DOCK8: variants seen among roughly 807,000 people sequenced by gnomAD.
The protein encoded by DOCK8 is dedicator of cytokinesis protein 8.
A neutral mutation model predicts 245.6 loss-of-function variants in DOCK8; 141 were observed. The ratio of observed to expected loss-of-function variants is 0.57; its 90% CI spans 0.50 to 0.66. DOCK8 has a LOEUF of 0.66. DOCK8 is among the 30% of genes least tolerant of loss of function. The pLI, the probability that DOCK8 is intolerant of heterozygous loss-of-function variation, is 0.00. For synonymous variants in DOCK8, 1,168 were observed against 970.2 expected (o/e 1.20, Z -3.79); for missense variants, 2,965 against 2,603.4 (o/e 1.14, Z -3.02).
intron 6 of DOCK8, among the ~76,000 whole-genome samples, chr9:316,274 G>A (rs1458504671): frequency 6.6e-6 from 1 of 152,154 alleles, no homozygotes; most frequent in African/African-American, 2.4e-5. Flanking sequence ...CTGCAAGAGT[G>A]GGAATTACTG....
At position 340,462 on chromosome 9, in the gene DOCK8, T is replaced by C. The variant is rs2051529320; in HGVS notation, c.1679+141T>C. On this transcript the variant is annotated intron_variant, in intron 14 of 47. Coordinates refer to ENST00000432829, the MANE Select transcript of DOCK8 (RefSeq NM_203447.4). Reference sequence around the variant, plus strand: ...ATGGCAAAACCGTGTCTCTACAACATATACAAAATTTAGCTGGGCATGGTG... The same window carrying C: ...ATGGCAAAACCGTGTCTCTACAACACATACAAAATTTAGCTGGGCATGGTG... The C allele has an allele frequency of 1.2e-5, 13 of 1,089,656 alleles. 1 individual carries two copies. Among genetic ancestry groups the C allele is most frequent in the Non-Finnish European group, 1.7e-5 (13 of 750,120 alleles). The allele number at this position is 1,089,656 out of a possible 1,614,324, so 67.5% of individuals were successfully genotyped here. A position where few individuals can be genotyped will look rare whatever the true frequency, so the allele number is the denominator to read the frequency against.
At chr9:222,272 A>C (rs489140) in intron 1 of DOCK8, among the ~76,000 whole-genome samples, 40,159 of 151,618 alleles carry the variant, frequency 0.26, 5,821 homozygotes, top group East Asian at 0.35. Flanking sequence ...CAAAAAAAAA[A>C]CACAAAAAAC....
At chr9:330,840 G>C (rs575663101) in intron 9 of DOCK8, among the ~76,000 whole-genome samples, 5 of 152,176 alleles carry the variant, frequency 3.3e-5, no homozygotes, top group African/African-American at 1.2e-4. Flanking sequence ...ACAAACAATA[G>C]GTTCTCATGT....
chr9:427,936 T>G lies in DOCK8; in HGVS notation c.4339-426T>G, dbSNP rs570021058. 7.9e-5 allele frequency among the ~76,000 whole-genome samples: 12 copies of G among 152,330 alleles called. No individual in the cohort carries two copies. In the East Asian group the frequency reaches 9.6e-4, roughly 12 times the overall value. On this transcript the variant is annotated intron_variant, in intron 34 of 47. Coordinates refer to ENST00000432829, the MANE Select transcript of DOCK8 (RefSeq NM_203447.4). ...AAACCTTTTGTTATTATCCTTGGTGTTGTTAGTCCTTCTGTAGGTGATAAA... is the reference window on the plus strand; with the variant it reads ...AAACCTTTTGTTATTATCCTTGGTGGTGTTAGTCCTTCTGTAGGTGATAAA...
At chr9:401,096 A>ACCCCCACC (rs1344564311) in intron 26 of DOCK8, among the ~76,000 whole-genome samples, 1 of 149,304 alleles carries the variant, frequency 6.7e-6, no homozygotes, top group African/African-American at 2.5e-5. Flanking sequence ...CTCCACCACC[A>ACCCCCACC]TCACCACCTC....
In DOCK8 at chr9:407,014, C is replaced by T; in HGVS notation, c.3475C>T (p.Leu1159Phe). ...LTSEYRQQHF[L>F]TGLLFTELAA... ...TTCCGAGTACCGCCAGCAGCACTTC[C>T]TCACCGGGCTCCTCTTCACAGAACT... The change falls in exon 28 of 48, where the codon CTC becomes TTC. Residue 1159 changes from leucine (L) to phenylalanine (F), a missense_variant. Leu to Phe is a conservative substitution (Grantham distance 22). Around this residue, in one of 3 missense-constraint regions of DOCK8, gnomAD observed 2,825 missense variants for 2,453.5 expected, o/e 1.15. Transcript: ENST00000432829. 1 of 1,614,138 alleles carries T rather than the reference C, an allele frequency of 6.2e-7. No individual in the cohort carries two copies. Among genetic ancestry groups the T allele is most frequent in the Non-Finnish European group, 8.5e-7 (1 of 1,180,026 alleles).
intron 2 of DOCK8, among the ~76,000 whole-genome samples, chr9:281,432 G>C (rs1478801967): frequency 6.6e-6 from 1 of 152,122 alleles, no homozygotes; most frequent in Non-Finnish European, 1.5e-5. Context: ...GAACAGCAGA[G>C]AAAGCAAAAC....
At chr9:338,727 T>C (rs1228503724) in intron 12 of DOCK8, among the ~76,000 whole-genome samples, 2 of 152,182 alleles carry the variant, frequency 1.3e-5, no homozygotes, top group Non-Finnish European at 2.9e-5. Flanking sequence ...GGGAAGCTTT[T>C]GGCCTGGTTT....
intron 26 of DOCK8, among the ~76,000 whole-genome samples, chr9:400,045 T>G (rs868757659): frequency 0.016 from 752 of 46,792 alleles, 16 homozygotes; most frequent in African/African-American, 0.082. Flanking sequence ...CACCACCACC[T>G]CCACCATCAC....
intron 5 of DOCK8, among the ~76,000 whole-genome samples, chr9:307,338 GTTTTTTTTTTTT>G (rs1165775428): frequency 5.9e-5 from 3 of 51,218 alleles, no homozygotes; most frequent in South Asian, 7.3e-4. Context: ...GGTTTTTTTT[GTTTTTTTTTTTT>G]TTTTTTTTTT....
intron 14 of DOCK8, among the ~76,000 whole-genome samples, chr9:355,329 G>A (rs920035437): frequency 6.6e-6 from 1 of 150,914 alleles, no homozygotes. Context: ...TTAGCCTCCT[G>A]AATAGCTGGG....
chr9:220,686 C>G (rs935248788), intron 1 of DOCK8: 4 of 393,394 alleles, frequency 1.0e-5, no homozygotes, highest in African/African-American at 4.4e-5. Flanking sequence ...TGTGCTACTG[C>G]TGTTCCCACA....
rs139518435 is a variant in DOCK8 at position 272,161 on chromosome 9, T to A, written c.156+432T>A. Among the ~76,000 whole-genome samples, 60 of 152,298 alleles carry A rather than the reference T, an allele frequency of 3.9e-4. 1 individual carries two copies. Among genetic ancestry groups the A allele is most frequent in the Middle Eastern group, 3.4e-3 (1 of 294 alleles). On this transcript the variant is annotated intron_variant, in intron 2 of 47. Coordinates refer to ENST00000432829, the MANE Select transcript of DOCK8 (RefSeq NM_203447.4). Reference sequence around the variant, plus strand: ...TAGTATAATTTACATATAATAAAATTCACACATTTTAGGTGTACAATTTGG... The same window carrying A: ...TAGTATAATTTACATATAATAAAATACACACATTTTAGGTGTACAATTTGG...
At chr9:453,286 A>T (rs2057524915) in intron 46 of DOCK8, among the ~76,000 whole-genome samples, 1 of 152,386 alleles carries the variant, frequency 6.6e-6, no homozygotes, top group African/African-American at 2.4e-5. Context: ...CTCACAGATT[A>T]TCTTGATTAA....
chr9:448,711 G>A (rs944664281), intron 44 of DOCK8, among the ~76,000 whole-genome samples: 2 of 152,140 alleles, frequency 1.3e-5, no homozygotes, highest in Non-Finnish European at 2.9e-5. Flanking sequence ...CTTCTCGTAA[G>A]GACACCAGTC....
intron 10 of DOCK8, among the ~76,000 whole-genome samples, 170 bp downstream of exon 10, chr9:332,648 CTTTTTTTT>C (rs35539095): frequency 0.022 from 1,384 of 64,054 alleles, 39 homozygotes; most frequent in African/African-American, 0.088. Flanking sequence ...CCGATGATGA[CTTTTTTTT>C]TTTTTTTTTT....
chr9:282,191 C>G (rs1283667059), intron 2 of DOCK8, among the ~76,000 whole-genome samples: 2 of 152,114 alleles, frequency 1.3e-5, no homozygotes, highest in African/African-American at 4.8e-5. Flanking sequence ...TCCGTGAGAA[C>G]AACTGCCTGT....
At position 276,334 on chromosome 9, in the gene DOCK8, A is replaced by G. The variant is rs117052558; in HGVS notation, c.156+4605A>G. 3.8e-3 allele frequency among the ~76,000 whole-genome samples: 584 copies of G among 152,382 alleles called. 1 individual carries two copies. The highest frequency in any genetic ancestry group is 6.1e-3 in the Non-Finnish European group (417 of 68,036). ...TTACTAACCCTACAGATATATCCTT[A>G]GAAAATACAGTGGTTTCTGTCATAA... On this transcript the variant is annotated intron_variant, in intron 2 of 47. Coordinates refer to ENST00000432829, the MANE Select transcript of DOCK8 (RefSeq NM_203447.4).
At chr9:257,478 A>C (rs2047806221) in intron 1 of DOCK8, among the ~76,000 whole-genome samples, 1 of 152,102 alleles carries the variant, frequency 6.6e-6, no homozygotes, top group Non-Finnish European at 1.5e-5. Context: ...CAACAGAATC[A>C]TCTGGAGGGC....
Sources: allele counts gnomAD v4.1 joint callset (sites outside exome capture counted in the v4.1 genomes callset), GRCh38; gene constraint gnomAD v4.1.1; regional missense constraint gnomAD v4.1.1; transcripts MANE v1.5; gene names NCBI Gene and HGNC (gene_info 2026-07-23, HGNC 2026-07-21).